Variants in ANKRD2 observed in about 807,000 individuals in gnomAD.
ANKRD2 encodes ankyrin repeat domain-containing protein 2.
Under a neutral mutation model 37.3 loss-of-function variants are expected in ANKRD2, and 35 were observed. The ratio of observed to expected loss-of-function variants is 0.94; its 90% CI spans 0.72 to 1.24. The LOEUF (loss-of-function observed/expected upper bound fraction) is 1.24. Ranked by LOEUF, ANKRD2 falls within the 50% of genes most tolerant of loss-of-function variation. The probability of loss-of-function intolerance (pLI) is 0.00; values close to 1 mark genes in which losing one functional copy is unlikely to be tolerated. For synonymous variants in ANKRD2, 159 were observed against 186.5 expected (o/e 0.85, Z 1.20); for missense variants, 410 against 445.6 (o/e 0.92, Z 0.72).
intron 1 of ANKRD2, among the ~76,000 whole-genome samples, chr10:97,576,736 G>A (rs1281855921): frequency 5.6e-5 from 8 of 142,238 alleles, no homozygotes; most frequent in African/African-American, 1.0e-4. Context: ...TTACTCTGCC[G>A]CCCAAGCTGG....
rs1197437031 is a variant in ANKRD2, at chr10:97,577,806, C to T, written c.94C>T (p.Arg32Ter). 2.6e-6 allele frequency: 4 copies of T among 1,560,314 alleles called. No individual in the cohort carries two copies. The highest frequency in any genetic ancestry group is 2.6e-6 in the Non-Finnish European group (3 of 1,151,840). ...GCCCTCTTTGGATCACCAGAAACTC[C>T]GAGGAGACGCACGCCAGAAGCTGCC... ...LAQEEENEKL[R>*]GDARQKLPMD... The change falls in exon 2 of 9, where the codon CGA becomes TGA. Residue 32 changes from arginine (R) to a stop codon, truncating the protein, a stop_gained. Transcript: ENST00000370655. LOFTEE classifies it high-confidence loss of function.
intron 4 of ANKRD2, among the ~76,000 whole-genome samples, chr10:97,579,473 AT>A (rs1050813932): frequency 5.4e-5 from 8 of 148,476 alleles, no homozygotes; most frequent in South Asian, 2.1e-4. Context: ...CTCCTGGCCT[AT>A]TTTTTTTTCA....
In ANKRD2 at chr10:97,578,221, G is replaced by A. The variant is rs753750125; in HGVS notation, c.190-19G>A. The A allele has an allele frequency of 6.3e-7, 1 of 1,583,236 alleles. No individual in the cohort carries two copies. The highest frequency in any genetic ancestry group is 1.7e-5 in the Admixed American group (1 of 58,960). On this transcript the variant is annotated intron_variant, in intron 2 of 8. Coordinates refer to ENST00000370655, the MANE Select transcript of ANKRD2 (RefSeq NM_001346793.2). ...AACTCTCTGCCCGGCCTGGGGGGTT[G>A]ATGGGCCATCCCGCGCAGGGCCAAG...
At position 97,580,883 on chromosome 10, in the gene ANKRD2, C is replaced by A. The variant is rs760926039; in HGVS notation, c.485C>A (p.Ser162Tyr). The change falls in exon 5 of 9, where the codon TCC becomes TAC. Residue 162 changes from serine to tyrosine, a missense_variant. Ser to Tyr is a moderately radical substitution (Grantham distance 144). Transcript: ENST00000370655. The stretch of plus-strand genomic sequence containing the variant: ...CGTCGGACAGCACTGCACCGAGCTT[C>A]CCTGGAAGGCCACATGGAAATCCTG... ...QFRRTALHRA[S>Y]LEGHMEILEK... is the part of the protein sequence containing the mutation. 2 of 1,611,366 alleles carry A rather than the reference C, an allele frequency of 1.2e-6. No homozygotes were observed. The highest frequency in any genetic ancestry group is 8.5e-7 in the Non-Finnish European group (1 of 1,179,038).
At chr10:97,581,209 C>T in intron 5 of ANKRD2, 107 bp from the exon 6 acceptor site, 1 of 1,194,460 alleles carries the variant, frequency 8.4e-7, no homozygotes, top group South Asian at 1.4e-5. Flanking sequence ...GGCCTGCTCC[C>T]TGTACCTTTC....
upstream of ANKRD2, chr10:97,572,673 G>T (rs376730113): frequency 4.0e-5 from 63 of 1,578,132 alleles, no homozygotes; most frequent in African/African-American, 5.4e-5. Flanking sequence ...GGTGACAGGT[G>T]GGGGAGGCAG....
intron 6 of ANKRD2, among the ~76,000 whole-genome samples, 190 bp downstream of exon 6, chr10:97,581,604 C>T (rs1207005990): frequency 1.3e-5 from 2 of 152,216 alleles, no homozygotes; most frequent in Admixed American, 1.3e-4. Flanking sequence ...GCCATCCACA[C>T]AGGCCCTTGA....
intron 4 of ANKRD2, 102 bp from the exon 5 acceptor site, chr10:97,580,753 G>A (rs1291599161): frequency 2.4e-6 from 2 of 822,804 alleles, no homozygotes; most frequent in African/African-American, 1.7e-5. Flanking sequence ...AAGCACAGGG[G>A]TGAGAATCAA....
In ANKRD2 at chr10:97,578,297, G is replaced by A; in HGVS notation, c.247G>A (p.Gly83Ser). 6.2e-7 allele frequency: 1 copy of A among 1,613,112 alleles called. No homozygotes were observed. Among genetic ancestry groups the A allele is most frequent in the Non-Finnish European group, 8.5e-7 (1 of 1,179,970 alleles). ...CCTGCGGCGGGAGATCATCGATGTGGGCGGGATCCAGAACCTCATCGAGCT... is the reference window on the plus strand; with the variant it reads ...CCTGCGGCGGGAGATCATCGATGTGAGCGGGATCCAGAACCTCATCGAGCT... Reference protein sequence around the residue: ...LDLRREIIDVGGIQNLIELRK... With the variant: ...LDLRREIIDVSGIQNLIELRK... The change falls in exon 3 of 9, where the codon GGC becomes AGC. Residue 83 changes from glycine (G) to serine (S), a missense_variant. Coordinates refer to ENST00000370655, the MANE Select transcript of ANKRD2 (RefSeq NM_001346793.2).
At chr10:97,572,905 G>A (rs902132234) in intron 1 of ANKRD2, 30 bp downstream of exon 1, 1 of 1,542,998 alleles carries the variant, frequency 6.5e-7, no homozygotes, top group Admixed American at 2.0e-5. Context: ...TGCCCAAGGG[G>A]GTCTGAGGAG....
intron 4 of ANKRD2, among the ~76,000 whole-genome samples, chr10:97,579,942 T>G (rs543616455): frequency 6.6e-6 from 1 of 152,314 alleles, no homozygotes; most frequent in Admixed American, 6.5e-5. Flanking sequence ...ATCATACTTC[T>G]TTTTGTTTTG....
At chr10:97,578,709 C>T (rs1306745996) in intron 4 of ANKRD2, 104 bp downstream of exon 4, 14 of 921,548 alleles carry the variant, frequency 1.5e-5, no homozygotes, top group Non-Finnish European at 2.1e-5. Flanking sequence ...GAGGAGGCAC[C>T]GGTGTTCTTT....
Position 97,578,242 on chromosome 10 carries a change from C to A in ANKRD2, c.192C>A (p.Gly64=). 3 of 1,584,892 alleles carry A rather than the reference C, an allele frequency of 1.9e-6. No individual in the cohort carries two copies. The highest frequency in any genetic ancestry group is 1.7e-5 in the Admixed American group (1 of 58,962). ...GGTTGATGGGCCATCCCGCGCAGGG[C>A]CAAGAGCGCGTGCGCAAGACGTCCC... is the stretch of plus-strand genomic sequence containing the variant. ...AQSAALQKVK[G]QERVRKTSLD... The change falls in exon 3 of 9, where the codon GGC becomes GGA. Residue 64 remains glycine, a splice_region_variant and synonymous_variant. Transcript: ENST00000370655.
rs1403197373 is a variant in ANKRD2 at position 97,572,892 on chromosome 10, AGGTGCCCAAGGG to A, written c.87+21_87+32del. On this transcript the variant is annotated intron_variant, in intron 1 of 8. Coordinates refer to ENST00000370655, the MANE Select transcript of ANKRD2 (RefSeq NM_001346793.2). The stretch of plus-strand genomic sequence containing the variant: ...GAGAATGAGGTGCGAGCAGGGGTGG[AGGTGCCCAAGGG>A]GGTCTGAGGAGATCCAGTTCTGCTG... The A allele has an allele frequency of 7.7e-6, 12 of 1,549,384 alleles. No individual in the cohort carries two copies. In the African/African-American group the frequency reaches 1.6e-4, roughly 21 times the overall value.
In ANKRD2 at chr10:97,578,375, C is replaced by T. The variant is rs1363807674; in HGVS notation, c.325C>T (p.Pro109Ser). The T allele has an allele frequency of 1.9e-6, 3 of 1,613,788 alleles. No homozygotes were observed. Among genetic ancestry groups the T allele is most frequent in the Middle Eastern group, 3.3e-4 (2 of 6,062 alleles). The change falls in exon 3 of 9, where the codon CCG becomes TCG. Residue 109 changes from proline (P) to serine (S), a missense_variant. Transcript: ENST00000370655. Reference protein sequence around the residue: ...KRDALAASHEPPPEPEEITGP... With the variant: ...KRDALAASHESPPEPEEITGP... Reference sequence around the variant, plus strand: ...GGACGCTCTGGCCGCCTCGCATGAGCCGCCCCCAGAGCCCGAGGAGATCGT... The same window carrying T: ...GGACGCTCTGGCCGCCTCGCATGAGTCGCCCCCAGAGCCCGAGGAGATCGT...
intron 4 of ANKRD2, among the ~76,000 whole-genome samples, chr10:97,579,483 C>T (rs2040870346): frequency 6.6e-6 from 1 of 151,330 alleles, no homozygotes; most frequent in African/African-American, 2.4e-5. Flanking sequence ...ATTTTTTTTT[C>T]ATGGTAAAAC....
intron 1 of ANKRD2, among the ~76,000 whole-genome samples, chr10:97,573,804 G>A (rs905113449): frequency 6.6e-6 from 1 of 152,184 alleles, no homozygotes; most frequent in African/African-American, 2.4e-5. Flanking sequence ...AGAAATGGGT[G>A]GACCAATAAG....
chr10:97,577,330 C>G (rs2135700860), intron 1 of ANKRD2, among the ~76,000 whole-genome samples: 1 of 152,216 alleles, frequency 6.6e-6, no homozygotes, highest in Middle Eastern at 3.4e-3. Context: ...CACGATCTTG[C>G]TATGTCTCTG....
chr10:97,576,209 T>C (rs1454748087), intron 1 of ANKRD2, among the ~76,000 whole-genome samples: 2 of 152,118 alleles, frequency 1.3e-5, no homozygotes, highest in Non-Finnish European at 1.5e-5. Context: ...GAGTGCTCTG[T>C]AAGGGTGGCC....
Sources: allele counts gnomAD v4.1 joint callset (sites outside exome capture counted in the v4.1 genomes callset), GRCh38; gene constraint gnomAD v4.1.1; transcripts MANE v1.5; gene names NCBI Gene and HGNC (gene_info 2026-07-23, HGNC 2026-07-21).